ATAD2: variants seen among roughly 807,000 people sequenced by gnomAD.
ATAD2 encodes the protein ATPase family AAA domain containing 2, also known as ATPase family AAA domain-containing protein 2.
In ATAD2, 62 loss-of-function variants were observed where a neutral mutation model predicts 168.9. The observed-to-expected ratio is 0.37, with a 90% CI of 0.30 to 0.45. The LOEUF (loss-of-function observed/expected upper bound fraction) is 0.45, where lower values mean the gene tolerates loss of function less well. Ranked by LOEUF, ATAD2 falls within the 20% of genes least tolerant of loss-of-function variation. The pLI is 1.00. For missense variants in ATAD2, 1,419 were observed against 1,667.8 expected (o/e 0.85, Z 2.60); for synonymous variants, 613 against 571.6 (o/e 1.07, Z -1.03).
At chr8:123,333,644 T>G (rs1827839436) in intron 24 of ATAD2, among the ~76,000 whole-genome samples, 1 of 152,090 alleles carries the variant, frequency 6.6e-6, no homozygotes, top group Admixed American at 6.6e-5. Context: ...AGACCAGAAT[T>G]TACAGACATC....
intron 11 of ATAD2, among the ~76,000 whole-genome samples, chr8:123,357,973 C>A (rs553613703): frequency 1.3e-5 from 2 of 152,214 alleles, no homozygotes; most frequent in African/African-American, 4.8e-5. Flanking sequence ...TTTAACAATT[C>A]ATTCATCATG....
At chr8:123,367,103 G>C (rs1563853083) in intron 8 of ATAD2, among the ~76,000 whole-genome samples, 1 of 152,056 alleles carries the variant, frequency 6.6e-6, no homozygotes, top group Non-Finnish European at 1.5e-5. Context: ...ACAAACACTG[G>C]ACCAGCACTT....
intron 26 of ATAD2, among the ~76,000 whole-genome samples, chr8:123,325,255 C>A (rs921092897): frequency 1.3e-5 from 2 of 150,838 alleles, no homozygotes; most frequent in African/African-American, 4.9e-5. Flanking sequence ...CACCACCACA[C>A]CTAACTAATT....
At chr8:123,331,755 T>C (rs145220164) in intron 24 of ATAD2, among the ~76,000 whole-genome samples, 4 of 152,316 alleles carry the variant, frequency 2.6e-5, no homozygotes, top group African/African-American at 7.2e-5. Flanking sequence ...TTTTGTACTA[T>C]ACTAAACACA....
intron 9 of ATAD2, 120 bp from the exon 10 acceptor site, chr8:123,359,805 C>CT: frequency 1.5e-6 from 1 of 662,740 alleles, no homozygotes; most frequent in Non-Finnish European, 2.5e-6. Flanking sequence ...CCGGAGCAAT[C>CT]TTAAGATATG....
intron 2 of ATAD2, among the ~76,000 whole-genome samples, chr8:123,379,890 A>ATTT (rs71895855): frequency 0.36 from 46,497 of 128,466 alleles, 9,022 homozygotes; most frequent in South Asian, 0.5. Context: ...TATTATTATT[A>ATTT]TTTTTTTTTT....
chr8:123,374,064 G>A (rs1829235114), intron 2 of ATAD2, among the ~76,000 whole-genome samples: 1 of 152,028 alleles, frequency 6.6e-6, no homozygotes, highest in African/African-American at 2.4e-5. Flanking sequence ...TAAGAATTAA[G>A]AAGAAAATAA....
intron 24 of ATAD2, among the ~76,000 whole-genome samples, chr8:123,330,265 C>T (rs974931093): frequency 5.9e-5 from 9 of 152,130 alleles, no homozygotes; most frequent in African/African-American, 2.2e-4. Flanking sequence ...GCTGGGATTA[C>T]AGACATGAGC....
At chr8:123,395,114 T>A (rs1812765449) in intron 1 of ATAD2, among the ~76,000 whole-genome samples, 1 of 152,192 alleles carries the variant, frequency 6.6e-6, no homozygotes, top group South Asian at 2.1e-4. Context: ...GAGCCTCTCA[T>A]TCTCATTCCC....
chr8:123,346,577 T>C, intron 17 of ATAD2, 41 bp downstream of exon 17: 1 of 1,467,214 alleles, frequency 6.8e-7, no homozygotes, highest in Non-Finnish European at 9.2e-7. Context: ...TTTTAGAAAA[T>C]TTACACATGC....
intron 20 of ATAD2, among the ~76,000 whole-genome samples, chr8:123,338,938 G>C (rs765060722): frequency 6.6e-6 from 1 of 152,044 alleles, no homozygotes; most frequent in African/African-American, 2.4e-5. Context: ...ACAGAGATGG[G>C]GGATAGAGAT....
intron 9 of ATAD2, 117 bp downstream of exon 9, chr8:123,361,422 C>T: frequency 3.0e-6 from 2 of 674,212 alleles, no homozygotes; most frequent in South Asian, 1.9e-5. Context: ...TATACATTAA[C>T]CTGTTGTGCA....
At position 123,407,034 on chromosome 8, in the gene ATAD2, T is replaced by C. The variant is rs183211515; in HGVS notation, c.-2281-5859A>G. On this transcript the variant is annotated intron_variant, in intron 1 of 28. Transcript: ENST00000521903. ...ACTAGTGTTCTTATAAGGGAAAGCA[T>C]AGAGAGATTGGTGCATACAGACACA... 1.7e-3 allele frequency among the ~76,000 whole-genome samples: 253 copies of C among 152,240 alleles called. 1 individual carries two copies. The highest frequency in any genetic ancestry group is 5.9e-3 in the Admixed American group (90 of 15,280).
intron 8 of ATAD2, among the ~76,000 whole-genome samples, chr8:123,364,165 T>C (rs953730586): frequency 3.3e-5 from 5 of 152,110 alleles, no homozygotes; most frequent in Non-Finnish European, 5.9e-5. Flanking sequence ...TATTAACTCA[T>C]CTAATTCTCA....
At chr8:123,388,008 T>C (rs1275218338) in intron 1 of ATAD2, among the ~76,000 whole-genome samples, 1 of 152,196 alleles carries the variant, frequency 6.6e-6, no homozygotes, top group African/African-American at 2.4e-5. Flanking sequence ...GTTATATCAC[T>C]ATAGTTGTGA....
At chr8:123,390,861 T>G (rs558495307) in intron 1 of ATAD2, among the ~76,000 whole-genome samples, 2 of 152,050 alleles carry the variant, frequency 1.3e-5, no homozygotes, top group East Asian at 3.9e-4. Flanking sequence ...ATACAAAAAT[T>G]AGCTGGGCAT....
At position 123,328,442 on chromosome 8, in the gene ATAD2, G is replaced by A. The variant is rs754272152; in HGVS notation, c.3616C>T (p.Gln1206Ter). ...TCATTATGATCTACACTTGTGTCTT[G>A]AGTTTCCTCTGTATCACTCTCAATT... ...HKIESDTEET[Q>*]DTSVDHNETG... The change falls in exon 25 of 28, where the codon CAA becomes TAA. Residue 1206 changes from glutamine (Q) to a stop codon, truncating the protein, a stop_gained. Coordinates refer to ENST00000287394, the MANE Select transcript of ATAD2 (RefSeq NM_014109.4). LOFTEE classifies it high-confidence loss of function. 6.2e-7 allele frequency: 1 copy of A among 1,610,088 alleles called. No homozygotes were observed. The highest frequency in any genetic ancestry group is 8.5e-7 in the Non-Finnish European group (1 of 1,178,456).
At chr8:123,326,091 T>A (rs1827608608) in intron 25 of ATAD2, 65 bp from the exon 26 acceptor site, 1 of 1,529,082 alleles carries the variant, frequency 6.5e-7, no homozygotes, top group African/African-American at 1.4e-5. Context: ...AAATAAATAA[T>A]AATATTAGGC....
chr8:123,320,117 A>C lies in ATAD2; in HGVS notation c.*1017T>G, dbSNP rs2131263113. 1 of 152,274 alleles carries C rather than the reference A, an allele frequency of 6.6e-6. No individual in the cohort carries two copies. Among genetic ancestry groups the C allele is most frequent in the South Asian group, 2.1e-4 (1 of 4,832 alleles). The allele number at this position is 152,274 out of a possible 1,614,324, so 9.4% of individuals were successfully genotyped here. Reference sequence around the variant, plus strand: ...AAAATCCAGATAAATCAACAACAAAAATACAGCTCAACTTTGAACTGCATT... The same window carrying C: ...AAAATCCAGATAAATCAACAACAAACATACAGCTCAACTTTGAACTGCATT... On this transcript the variant is annotated 3_prime_UTR_variant, in exon 28 of 28. Transcript: ENST00000287394.
Sources: gnomAD v4.1 joint callset for allele counts (sites outside exome capture counted in the v4.1 genomes callset) on GRCh38, gnomAD v4.1.1 for gene constraint, MANE v1.5 for transcripts, NCBI Gene and HGNC (gene_info 2026-07-23, HGNC 2026-07-21) for gene names.